Variants in UNC5C observed in about 807,000 individuals in gnomAD.
The protein encoded by UNC5C is netrin receptor UNC5C.
UNC5C carries 47 observed loss-of-function variants against 99.8 expected under a neutral mutation model. The observed-to-expected ratio is 0.47, with a 90% confidence interval of 0.37 to 0.60. The LOEUF is 0.60. UNC5C is among the 20% of genes least tolerant of loss of function. The probability of loss-of-function intolerance (pLI) is 0.00; values close to 1 mark genes in which losing one functional copy is unlikely to be tolerated. For synonymous variants in UNC5C, 487 were observed against 452.2 expected, an observed-to-expected ratio of 1.08 and a Z score of -0.98; for missense variants, 1,062 against 1,165.9, an observed-to-expected ratio of 0.91 and a Z score of 1.30.
intron 1 of UNC5C, among the ~76,000 whole-genome samples, chr4:95,465,549 G>A (rs1560843344): frequency 6.6e-6 from 1 of 152,100 alleles, no homozygotes; most frequent in African/African-American, 2.4e-5. Flanking sequence ...AAGCCAAATA[G>A]TCTTTCTCCC....
chr4:95,267,368 A>G (rs1205323985), intron 4 of UNC5C, among the ~76,000 whole-genome samples: 5 of 152,204 alleles, frequency 3.3e-5, no homozygotes, highest in African/African-American at 1.2e-4. Flanking sequence ...CCTTTTTAAA[A>G]TAAGCAAATT....
chr4:95,368,889 C>CTG (rs975453142), intron 1 of UNC5C, among the ~76,000 whole-genome samples: 14 of 150,890 alleles, frequency 9.3e-5, no homozygotes, highest in East Asian at 5.9e-4. Context: ...TTATAAAATC[C>CTG]TGTGTGTGTG....
At chr4:95,402,733 CTT>C (rs1393784465) in intron 1 of UNC5C, among the ~76,000 whole-genome samples, 2 of 152,228 alleles carry the variant, frequency 1.3e-5, no homozygotes, top group Non-Finnish European at 2.9e-5. Flanking sequence ...CTCCTCTACA[CTT>C]TAGCCCATGC....
intron 7 of UNC5C, among the ~76,000 whole-genome samples, chr4:95,230,931 C>T (rs1039795875): frequency 1.1e-4 from 17 of 151,718 alleles, no homozygotes; most frequent in African/African-American, 4.1e-4. Flanking sequence ...TTTTTTTCTA[C>T]CTTTTGAGTA....
chr4:95,394,480 A>T (rs1214228135), intron 1 of UNC5C, among the ~76,000 whole-genome samples: 1 of 152,204 alleles, frequency 6.6e-6, no homozygotes, highest in Non-Finnish European at 1.5e-5. Flanking sequence ...CTTTACCAAC[A>T]AAAAATATAA....
chr4:95,356,435 G>A (rs35760059), intron 1 of UNC5C, among the ~76,000 whole-genome samples: 3 of 152,094 alleles, frequency 2.0e-5, no homozygotes, highest in African/African-American at 7.2e-5. Context: ...GGAGGCATCA[G>A]CAAGTGGTGA....
intron 1 of UNC5C, among the ~76,000 whole-genome samples, chr4:95,383,526 A>G (rs1745130165): frequency 2.0e-5 from 3 of 152,190 alleles, no homozygotes; most frequent in Admixed American, 1.3e-4. Flanking sequence ...TTAAGATTCA[A>G]TTATCACCTT....
intron 3 of UNC5C, among the ~76,000 whole-genome samples, chr4:95,282,281 G>A (rs1050206563): frequency 6.6e-6 from 1 of 152,184 alleles, no homozygotes; most frequent in Non-Finnish European, 1.5e-5. Flanking sequence ...GTCAATAGGA[G>A]AAATGCAGTG....
At chr4:95,231,962 C>A (rs1333043682) in intron 7 of UNC5C, among the ~76,000 whole-genome samples, 1 of 152,154 alleles carries the variant, frequency 6.6e-6, no homozygotes, top group Non-Finnish European at 1.5e-5. Context: ...ACTGCTCCAG[C>A]CTGCTGAGGA....
intron 1 of UNC5C, among the ~76,000 whole-genome samples, chr4:95,356,294 C>G (rs1161508072): frequency 6.8e-6 from 1 of 147,536 alleles, no homozygotes; most frequent in Non-Finnish European, 1.5e-5. Flanking sequence ...TATCTTAGTT[C>G]TCTCCCTATT....
chr4:95,185,425 A>G (rs2149351789), intron 12 of UNC5C, among the ~76,000 whole-genome samples: 1 of 152,294 alleles, frequency 6.6e-6, no homozygotes, highest in South Asian at 2.1e-4. Flanking sequence ...GGCAGTCTAC[A>G]TCACACTGTT....
intron 7 of UNC5C, among the ~76,000 whole-genome samples, chr4:95,224,848 A>G (rs574986640): frequency 7.9e-6 from 1 of 126,880 alleles, no homozygotes; most frequent in South Asian, 2.6e-4. Context: ...GGAATTAAGG[A>G]AGAATTTTTT....
intron 1 of UNC5C, among the ~76,000 whole-genome samples, chr4:95,481,411 T>C (rs562029533): frequency 6.6e-6 from 1 of 151,948 alleles, no homozygotes; most frequent in Admixed American, 6.6e-5. Flanking sequence ...GAAGAATCAA[T>C]ATCGTGAAAA....
chr4:95,412,787 C>T (rs1001075702), intron 1 of UNC5C, among the ~76,000 whole-genome samples: 20 of 152,046 alleles, frequency 1.3e-4, no homozygotes, highest in African/African-American at 1.2e-4. Flanking sequence ...TTTGGGTTCC[C>T]GCTGTCAACA....
At chr4:95,469,858 G>T (rs1747913458) in intron 1 of UNC5C, among the ~76,000 whole-genome samples, 1 of 152,112 alleles carries the variant, frequency 6.6e-6, no homozygotes, top group Non-Finnish European at 1.5e-5. Context: ...ATTTACTGGA[G>T]AGACAAATTG....
intron 1 of UNC5C, among the ~76,000 whole-genome samples, chr4:95,404,512 A>G (rs1172712463): frequency 6.6e-6 from 1 of 152,158 alleles, no homozygotes; most frequent in Non-Finnish European, 1.5e-5. Context: ...GCCTGTTACT[A>G]TTCAACTGTA....
intron 1 of UNC5C, among the ~76,000 whole-genome samples, chr4:95,467,019 A>G (rs923468524): frequency 2.0e-5 from 3 of 152,088 alleles, no homozygotes; most frequent in Non-Finnish European, 4.4e-5. Context: ...CTGTCATGTA[A>G]TGATGACACT....
Position 95,250,646 on chromosome 4 carries a change from C to G in UNC5C, c.616G>C (p.Asp206His), listed in dbSNP as rs1739668033. 1 of 1,613,664 alleles carries G rather than the reference C, an allele frequency of 6.2e-7. No homozygotes were observed. The highest frequency in any genetic ancestry group is 1.3e-5 in the African/African-American group (1 of 74,870). Reference sequence around the variant, plus strand: ...CGATCTTCAACGGGATCAATTATGTCTTCATTTTTCAACCATTCCACCTAA... The same window carrying G: ...CGATCTTCAACGGGATCAATTATGTGTTCATTTTTCAACCATTCCACCTAA... ...VAEVEWLKNEDIIDPVEDRNF... is the reference protein window; with the variant it reads ...VAEVEWLKNEHIIDPVEDRNF... The change falls in exon 5 of 16, where the codon GAC becomes CAC. Residue 206 changes from aspartate to histidine, a missense_variant. By Grantham distance (81) the Asp-to-His change is moderately conservative. Around this residue, in one of 3 missense-constraint regions of UNC5C, gnomAD observed 249 missense variants for 295.1 expected, o/e 0.84. Transcript: ENST00000453304.
chr4:95,426,580 T>G (rs1484705279), intron 1 of UNC5C, among the ~76,000 whole-genome samples: 1 of 152,170 alleles, frequency 6.6e-6, no homozygotes, highest in Non-Finnish European at 1.5e-5. Context: ...AACAGTTAAC[T>G]GAGTTGTGAA....
Sources: allele counts gnomAD v4.1 joint callset (sites outside exome capture counted in the v4.1 genomes callset), GRCh38; gene constraint gnomAD v4.1.1; regional missense constraint gnomAD v4.1.1; transcripts MANE v1.5; gene names NCBI Gene and HGNC (gene_info 2026-07-23, HGNC 2026-07-21).